The following NUP153 variants were observed in gnomAD, a reference collection of about 807,000 sequenced individuals.
The protein encoded by NUP153 is nuclear pore complex protein Nup153.
A neutral mutation model predicts 134.6 loss-of-function variants in NUP153; 27 were observed. The ratio of observed to expected loss-of-function variants is 0.20; its 90% CI spans 0.15 to 0.28. The LOEUF is 0.28. NUP153 is among the 10% of genes least tolerant of loss of function. NUP153 has a pLI of 1.00. For synonymous variants in NUP153, 640 were observed against 623.5 expected (o/e 1.03, Z -0.40); for missense variants, 1,821 against 1,731.3 (o/e 1.05, Z -0.92).
chr6:17,663,550 C>G (rs1186939314), intron 9 of NUP153, among the ~76,000 whole-genome samples: 4 of 151,900 alleles, frequency 2.6e-5, no homozygotes, highest in African/African-American at 9.7e-5. Flanking sequence ...AGGCATGAGC[C>G]ACCATGATCA....
chr6:17,650,622 C>T (rs992703099), intron 11 of NUP153, among the ~76,000 whole-genome samples: 1 of 150,150 alleles, frequency 6.7e-6, no homozygotes, highest in African/African-American at 2.4e-5. Context: ...AAAATAAAGG[C>T]ACTTCCAGAT....
chr6:17,698,034 G>A (rs559731428), intron 1 of NUP153, among the ~76,000 whole-genome samples: 2 of 152,136 alleles, frequency 1.3e-5, no homozygotes, highest in African/African-American at 2.4e-5. Context: ...ATCCTTAGCA[G>A]TGTTCAGATT....
At chr6:17,649,846 A>C (rs1370791081) in intron 11 of NUP153, among the ~76,000 whole-genome samples, 1 of 152,222 alleles carries the variant, frequency 6.6e-6, no homozygotes, top group Non-Finnish European at 1.5e-5. Flanking sequence ...CAGTATATAC[A>C]GGGTTCAATA....
At chr6:17,647,994 C>T in intron 12 of NUP153, 89 bp from the exon 13 acceptor site, 1 of 760,940 alleles carries the variant, frequency 1.3e-6, no homozygotes, top group South Asian at 1.6e-5. Context: ...ACTGATTATT[C>T]CAAAGACACT....
chr6:17,649,369 G>T, intron 11 of NUP153, 69 bp from the exon 12 acceptor site: 4 of 1,430,188 alleles, frequency 2.8e-6, no homozygotes, highest in South Asian at 1.3e-5. Context: ...CTTATTTTCA[G>T]CATGAAAGTA....
intron 11 of NUP153, among the ~76,000 whole-genome samples, chr6:17,661,378 C>T (rs759185793): frequency 2.0e-5 from 3 of 152,104 alleles, no homozygotes; most frequent in Non-Finnish European, 4.4e-5. Flanking sequence ...GTTTTACAAA[C>T]AGACAAAACT....
At chr6:17,686,250 G>C (rs1768917075) in intron 2 of NUP153, among the ~76,000 whole-genome samples, 1 of 152,122 alleles carries the variant, frequency 6.6e-6, no homozygotes, top group Admixed American at 6.5e-5. Context: ...GTTATCATAG[G>C]AGATGATAGC....
Position 17,628,079 on chromosome 6 carries a change from GT to G in NUP153, c.3544+575del, listed in dbSNP as rs1765032217. Among the ~76,000 whole-genome samples the G allele has an allele frequency of 6.6e-6, 1 of 152,134 alleles. No individual in the cohort carries two copies. The highest frequency in any genetic ancestry group is 2.4e-5 in the African/African-American group (1 of 41,430). Reference sequence around the variant, plus strand: ...CACTAATCTGATTATCAGCTATGAAGTTCTTCCTGCTATTCAGCTCACAGAA... The same window carrying G: ...CACTAATCTGATTATCAGCTATGAAGTCTTCCTGCTATTCAGCTCACAGAA... On this transcript the variant is annotated intron_variant, in intron 18 of 21. Coordinates refer to ENST00000262077, the MANE Select transcript of NUP153 (RefSeq NM_005124.4). The surrounding 1 kb of genome is among the most constrained non-coding windows in gnomAD (Gnocchi z 5.4).
chr6:17,666,351 C>T (rs996315844), intron 8 of NUP153, among the ~76,000 whole-genome samples: 1 of 151,526 alleles, frequency 6.6e-6, no homozygotes, highest in East Asian at 1.9e-4. Flanking sequence ...AACGTCTCTA[C>T]TAAAAATGTA....
intron 2 of NUP153, among the ~76,000 whole-genome samples, chr6:17,686,081 G>C (rs1026043081): frequency 6.6e-6 from 1 of 152,122 alleles, no homozygotes; most frequent in Non-Finnish European, 1.5e-5. Flanking sequence ...CTGGAAGGTT[G>C]AGGTTGCAGT....
intron 18 of NUP153, among the ~76,000 whole-genome samples, chr6:17,626,554 T>C (rs1381866008): frequency 6.6e-6 from 1 of 152,238 alleles, no homozygotes; most frequent in Non-Finnish European, 1.5e-5. Flanking sequence ...CTTCAATTTA[T>C]CTAAATGGAT....
At chr6:17,654,342 A>G (rs1419132378) in intron 11 of NUP153, among the ~76,000 whole-genome samples, 2 of 148,544 alleles carry the variant, frequency 1.3e-5, no homozygotes, top group Non-Finnish European at 3.0e-5. Context: ...TTTTTTTGAG[A>G]CGGAGTTTCG....
intron 17 of NUP153, 99 bp from the exon 18 acceptor site, chr6:17,629,638 T>C: frequency 2.9e-6 from 3 of 1,046,064 alleles, no homozygotes; most frequent in Non-Finnish European, 2.7e-6. Context: ...AGGAGTAACT[T>C]TGAAAGGGCC....
At chr6:17,667,353 T>G (rs1260989223) in intron 8 of NUP153, among the ~76,000 whole-genome samples, 1 of 152,206 alleles carries the variant, frequency 6.6e-6, no homozygotes, top group Admixed American at 6.6e-5. Flanking sequence ...GTCATTGCAA[T>G]TAATTCATAA....
chr6:17,628,996 G>A lies in NUP153; in HGVS notation c.3203C>T (p.Ser1068Leu), dbSNP rs774013222. 7 of 1,614,122 alleles carry A rather than the reference G, an allele frequency of 4.3e-6. No individual in the cohort carries two copies. Among genetic ancestry groups the A allele is most frequent in the Non-Finnish European group, 5.9e-6 (7 of 1,180,018 alleles). ...AGGCATTTCTTCTTTTTTAGCTTCT[G>A]ATGTCTTACATGTGAAAGGAGCCAC... ...ASVAPFTCKTSEAKKEEMPAT... is the reference protein window; with the variant it reads ...ASVAPFTCKTLEAKKEEMPAT... The change falls in exon 18 of 22, where the codon TCA becomes TTA. Residue 1068 changes from serine to leucine, a missense_variant. Transcript: ENST00000262077. This position sits in a 1 kb window ranked among gnomAD's most constrained non-coding sequence, Gnocchi z 5.4.
At position 17,628,750 on chromosome 6, in the gene NUP153, G is replaced by A. The variant is rs1581668549; in HGVS notation, c.3449C>T (p.Thr1150Ile). 6.2e-7 allele frequency: 1 copy of A among 1,614,102 alleles called. No individual in the cohort carries two copies. The highest frequency in any genetic ancestry group is 8.5e-7 in the Non-Finnish European group (1 of 1,179,998). ...TGGTTTTGTCATACTAAAACTAAATGTGGACTTTGAAGAATTCTCATCTTT... is the reference window on the plus strand; with the variant it reads ...TGGTTTTGTCATACTAAAACTAAATATGGACTTTGAAGAATTCTCATCTTT... ...QTKDENSSKSTFSFSMTKPSE... is the reference protein window; with the variant it reads ...QTKDENSSKSIFSFSMTKPSE... The change falls in exon 18 of 22, where the codon ACA (threonine) becomes ATA (isoleucine). Residue 1150 changes from threonine (T) to isoleucine (I), a missense_variant. Coordinates refer to ENST00000262077, the MANE Select transcript of NUP153 (RefSeq NM_005124.4). This position sits in a 1 kb window ranked among gnomAD's most constrained non-coding sequence, Gnocchi z 5.4.
intron 17 of NUP153, among the ~76,000 whole-genome samples, chr6:17,631,104 T>C (rs576243393): frequency 6.6e-6 from 1 of 152,330 alleles, no homozygotes; most frequent in South Asian, 2.1e-4. Flanking sequence ...CTGCTAGTTG[T>C]ATACCATTAA....
chr6:17,616,437 C>A lies in NUP153; in HGVS notation c.4343+90G>T, dbSNP rs1386718744. On this transcript the variant is annotated intron_variant, in intron 21 of 21. Coordinates refer to ENST00000262077, the MANE Select transcript of NUP153 (RefSeq NM_005124.4). ...CATATTTAATTTTACCCAAACCATA[C>A]GGAATCTTGATGACTTTTAAAAACA... The A allele has an allele frequency of 1.5e-5, 17 of 1,141,808 alleles. No homozygotes were observed. The South Asian group carries it at 1.9e-4, about 13-fold the overall frequency. The allele number at this position is 1,141,808 out of a possible 1,614,324, so 70.7% of individuals were successfully genotyped here. A position where few individuals can be genotyped will look rare whatever the true frequency, so the allele number is the denominator to read the frequency against.
intron 1 of NUP153, among the ~76,000 whole-genome samples, chr6:17,700,630 C>A (rs935797621): frequency 3.3e-5 from 5 of 152,134 alleles, no homozygotes; most frequent in African/African-American, 9.7e-5. Context: ...TATCAGATAC[C>A]AGGCAGGACA....
Sources: gnomAD v4.1 joint callset for allele counts (sites outside exome capture counted in the v4.1 genomes callset) on GRCh38, gnomAD v4.1.1 for gene constraint, Gnocchi (gnomAD v3.1) non-coding constraint, MANE v1.5 for transcripts, NCBI Gene and HGNC (gene_info 2026-07-23, HGNC 2026-07-21) for gene names.